The following ZDHHC23 variants were observed in gnomAD, a reference collection of about 807,000 sequenced individuals.
ZDHHC23 encodes the protein palmitoyltransferase ZDHHC23.
Under a neutral mutation model 40.2 loss-of-function variants are expected in ZDHHC23, and 41 were observed. That is an observed-to-expected ratio of 1.02 (90% confidence interval 0.79 to 1.32). The LOEUF (loss-of-function observed/expected upper bound fraction) is 1.32, where lower values mean the gene tolerates loss of function less well. Among genes scored for constraint, ZDHHC23 ranks in the 40% most tolerant of loss-of-function variants. The pLI, the probability that ZDHHC23 is intolerant of heterozygous loss-of-function variation, is 0.00. For missense variants in ZDHHC23, 471 were observed against 541.5 expected (o/e 0.87, Z 1.29); for synonymous variants, 204 against 210.2 (o/e 0.97, Z 0.26).
the ZDHHC23 span, among the ~76,000 whole-genome samples, chr3:113,972,035 C>A: frequency 6.6e-6 from 1 of 151,952 alleles, no homozygotes; most frequent in Non-Finnish European, 1.5e-5. Flanking sequence ...TCTCCTTTTT[C>A]ATTTCTGATT....
At chr3:113,972,336 A>G in the ZDHHC23 span, among the ~76,000 whole-genome samples, 35 of 152,138 alleles carry the variant, frequency 2.3e-4, no homozygotes, top group East Asian at 1.9e-4. Flanking sequence ...TCATTGACCC[A>G]TTGGTTGTTC....
chr3:113,958,737 A>G lies in ZDHHC23; in HGVS notation c.*107A>G, dbSNP rs1487733080. 15 of 1,583,840 alleles carry G rather than the reference A, an allele frequency of 9.5e-6. No individual in the cohort carries two copies. The highest frequency in any genetic ancestry group is 1.1e-5 in the Non-Finnish European group (13 of 1,171,208). On this transcript the variant is annotated 3_prime_UTR_variant, in exon 5 of 5. Coordinates refer to ENST00000638807, the MANE Select transcript of ZDHHC23 (RefSeq NM_001320466.2). ...ATCCCCAGTTTCTTAAAGGCATTAT[A>G]GGGCCATGCTCAGGTTTAGAGACTG...
chr3:113,952,005 C>G (rs543410882), intron 2 of ZDHHC23, among the ~76,000 whole-genome samples: 6 of 152,144 alleles, frequency 3.9e-5, no homozygotes, highest in African/African-American at 1.2e-4. Flanking sequence ...GGCGTGGTGG[C>G]GCATGCCTGT....
At chr3:113,972,623 T>TG in the ZDHHC23 span, among the ~76,000 whole-genome samples, 1 of 152,142 alleles carries the variant, frequency 6.6e-6, no homozygotes, top group African/African-American at 2.4e-5. Context: ...GATGTTTCCT[T>TG]GCTGATTTTC....
chr3:113,955,177 G>A (rs1939053765), intron 3 of ZDHHC23, among the ~76,000 whole-genome samples: 1 of 152,198 alleles, frequency 6.6e-6, no homozygotes, highest in Non-Finnish European at 1.5e-5. Context: ...TGGTCCTGTA[G>A]CGTACCTCCT....
At chr3:113,975,442 G>A in the ZDHHC23 span, among the ~76,000 whole-genome samples, 722 of 152,142 alleles carry the variant, frequency 4.7e-3, 7 homozygotes, top group African/African-American at 0.017. Flanking sequence ...TTAAAGACTG[G>A]TGACCTTAAA....
the ZDHHC23 span, among the ~76,000 whole-genome samples, chr3:113,977,225 A>C: frequency 6.6e-6 from 1 of 152,176 alleles, no homozygotes; most frequent in Non-Finnish European, 1.5e-5. Context: ...TGAACCCAGG[A>C]GGCAGAGGTT....
Position 113,958,703 on chromosome 3 carries a change from T to C in ZDHHC23, c.*73T>C, listed in dbSNP as rs763134583. ...CTCCCTTCCATTTTACACTTCAGTG[T>C]CCATTTCTATCCCCAGTTTCTTAAA... On this transcript the variant is annotated 3_prime_UTR_variant, in exon 5 of 5. Transcript: ENST00000638807. The C allele has an allele frequency of 1.9e-6, 3 of 1,592,904 alleles. No individual in the cohort carries two copies. Among genetic ancestry groups the C allele is most frequent in the Admixed American group, 3.3e-5 (2 of 59,704 alleles).
chr3:113,973,576 A>G, the ZDHHC23 span, among the ~76,000 whole-genome samples: 1 of 149,982 alleles, frequency 6.7e-6, no homozygotes, highest in Non-Finnish European at 1.5e-5. Flanking sequence ...TTTGCTGGAT[A>G]CAGTATTCTT....
At chr3:113,977,886 AATACAGT>A in the ZDHHC23 span, among the ~76,000 whole-genome samples, 1 of 152,258 alleles carries the variant, frequency 6.6e-6, no homozygotes, top group African/African-American at 2.4e-5. Context: ...ACTAACAAAG[AATACAGT>A]ACTTTTGCTT....
chr3:113,975,062 T>G, the ZDHHC23 span, among the ~76,000 whole-genome samples: 2 of 152,196 alleles, frequency 1.3e-5, no homozygotes, highest in African/African-American at 4.8e-5. Flanking sequence ...ACATGTTGTG[T>G]AAAGTTGTAT....
In ZDHHC23 at chr3:113,959,358, A is replaced by AT; in HGVS notation, c.*728_*729insT. 9.0e-7 allele frequency: 1 copy of AT among 1,111,472 alleles called. No individual in the cohort carries two copies. The highest frequency in any genetic ancestry group is 1.1e-6 in the Non-Finnish European group (1 of 890,178). 68.9% of individuals were successfully genotyped at this position (1,111,472 alleles called of 1,614,324 possible). A position where few individuals can be genotyped will look rare whatever the true frequency, so the allele number is the denominator to read the frequency against. On this transcript the variant is annotated 3_prime_UTR_variant, in exon 5 of 5. Coordinates refer to ENST00000638807, the MANE Select transcript of ZDHHC23 (RefSeq NM_001320466.2). ...CTAAGTTGTCTCATCTTGAAAAGAC[A>AT]GTTGACAACAGTTATAAAGATAATT...
rs1179544542 is a variant in ZDHHC23, at chr3:113,959,190, A to G, written c.*560A>G. ...TAGGAAAATATTATGATGGAAGAAA[A>G]ACGTTTATAGTCTAGAATATTGAAG... On this transcript the variant is annotated 3_prime_UTR_variant, in exon 5 of 5. Coordinates refer to ENST00000638807, the MANE Select transcript of ZDHHC23 (RefSeq NM_001320466.2). 8 of 1,068,024 alleles carry G rather than the reference A, an allele frequency of 7.5e-6. No individual in the cohort carries two copies. Among genetic ancestry groups the G allele is most frequent in the Non-Finnish European group, 8.0e-6 (7 of 876,932 alleles). 66.2% of individuals were successfully genotyped at this position (1,068,024 alleles called of 1,614,324 possible). A position where few individuals can be genotyped will look rare whatever the true frequency, so the allele number is the denominator to read the frequency against.
rs1939668532 is a variant in ZDHHC23 at position 113,961,399 on chromosome 3, T to C, written c.*2769T>C. The C allele has an allele frequency of 6.6e-6, 1 of 152,558 alleles. No homozygotes were observed. Among genetic ancestry groups the C allele is most frequent in the African/African-American group, 2.4e-5 (1 of 41,430 alleles). 9.5% of individuals were successfully genotyped at this position (152,558 alleles called of 1,614,324 possible). On this transcript the variant is annotated 3_prime_UTR_variant, in exon 5 of 5. Coordinates refer to ENST00000638807, the MANE Select transcript of ZDHHC23 (RefSeq NM_001320466.2). ...AGATTCAAGGGAGAAAGATTAAGGA[T>C]CAGGATTGCATGAAAGAAGAAAATC...
the ZDHHC23 span, among the ~76,000 whole-genome samples, chr3:113,977,319 T>C: frequency 6.6e-6 from 1 of 152,028 alleles, no homozygotes; most frequent in Non-Finnish European, 1.5e-5. Flanking sequence ...CACAACAGTC[T>C]TCATACCTCA....
chr3:113,975,059 G>C, the ZDHHC23 span, among the ~76,000 whole-genome samples: 7 of 152,108 alleles, frequency 4.6e-5, no homozygotes, highest in Non-Finnish European at 8.8e-5. Flanking sequence ...TTGACATGTT[G>C]TGTAAAGTTG....
chr3:113,978,048 G>A, the ZDHHC23 span: 4 of 859,414 alleles, frequency 4.7e-6, no homozygotes, highest in East Asian at 2.5e-5. Flanking sequence ...CTGGTGAGCC[G>A]GGACTCCCAC....
At chr3:113,977,080 C>T in the ZDHHC23 span, among the ~76,000 whole-genome samples, 1 of 152,060 alleles carries the variant, frequency 6.6e-6, no homozygotes, top group Non-Finnish European at 1.5e-5. Context: ...CATGCACAAA[C>T]ATGCAAATAA....
chr3:113,978,849 T>C, the ZDHHC23 span: 1 of 1,612,104 alleles, frequency 6.2e-7, no homozygotes, highest in Non-Finnish European at 8.5e-7. Context: ...CCCTTCCCTA[T>C]GTCCTTACCT....
Sources: allele counts gnomAD v4.1 joint callset (sites outside exome capture counted in the v4.1 genomes callset), GRCh38; gene constraint gnomAD v4.1.1; transcripts MANE v1.5; gene names NCBI Gene and HGNC (gene_info 2026-07-23, HGNC 2026-07-21).